Variants in EYS observed in about 807,000 individuals in gnomAD.
EYS encodes EGF-like photoreceptor maintenance factor.
EYS carries 250 observed loss-of-function variants against 282.1 expected under a neutral mutation model. The ratio of observed to expected loss-of-function variants is 0.89; its 90% CI spans 0.80 to 0.98. EYS has a LOEUF of 0.98. Among genes scored for constraint, EYS ranks in the 50% least tolerant of loss-of-function variants. The pLI is 0.00. For missense variants in EYS, 4,016 were observed against 3,709.0 expected, an observed-to-expected ratio of 1.08 and a Z score of -2.15; for synonymous variants, 1,355 against 1,282.9, an observed-to-expected ratio of 1.06 and a Z score of -1.20.
At chr6:65,090,930 TA>T (rs955299066) in intron 12 of EYS, among the ~76,000 whole-genome samples, 38 of 152,084 alleles carry the variant, frequency 2.5e-4, no homozygotes, top group African/African-American at 8.9e-4. Flanking sequence ...TAGAACACAG[TA>T]AATATTCAAT....
intron 36 of EYS, among the ~76,000 whole-genome samples, chr6:63,834,482 G>A (rs914814253): frequency 1.3e-5 from 2 of 152,050 alleles, no homozygotes; most frequent in Admixed American, 6.6e-5. Context: ...TCAGAGAAAT[G>A]CAAATCAAAA....
intron 35 of EYS, among the ~76,000 whole-genome samples, chr6:63,886,206 G>A (rs1773257086): frequency 6.6e-6 from 1 of 152,116 alleles, no homozygotes; most frequent in African/African-American, 2.4e-5. Flanking sequence ...GGCCATACAA[G>A]GATCATCTTA....
At chr6:65,402,363 T>C (rs1044373971) in intron 7 of EYS, 115 bp downstream of exon 7, 3 of 713,634 alleles carry the variant, frequency 4.2e-6, no homozygotes, top group African/African-American at 3.6e-5. Flanking sequence ...AAATAGAATA[T>C]TATATACCAT....
At chr6:65,237,192 G>C (rs1278846337) in intron 12 of EYS, among the ~76,000 whole-genome samples, 2 of 152,238 alleles carry the variant, frequency 1.3e-5, no homozygotes, top group South Asian at 2.1e-4. Context: ...AAATAAATTT[G>C]TATAAAAATT....
At chr6:64,401,118 G>C (rs572464903) in intron 28 of EYS, among the ~76,000 whole-genome samples, 2 of 151,976 alleles carry the variant, frequency 1.3e-5, no homozygotes, top group Non-Finnish European at 2.9e-5. Flanking sequence ...TGTTAGCAAA[G>C]ACTAAGGAGA....
chr6:63,820,836 T>C (rs1306801187), intron 36 of EYS, among the ~76,000 whole-genome samples: 1 of 152,198 alleles, frequency 6.6e-6, no homozygotes, highest in African/African-American at 2.4e-5. Flanking sequence ...ATAACGATGA[T>C]AGTAGTTTAA....
chr6:65,366,916 A>G (rs1407408934), intron 8 of EYS, among the ~76,000 whole-genome samples: 2 of 151,370 alleles, frequency 1.3e-5, no homozygotes, highest in Non-Finnish European at 2.9e-5. Flanking sequence ...TTATCATATC[A>G]CCTTCTCTGT....
At chr6:64,678,802 T>C (rs1769792203) in intron 22 of EYS, among the ~76,000 whole-genome samples, 1 of 151,990 alleles carries the variant, frequency 6.6e-6, no homozygotes, top group South Asian at 2.1e-4. Flanking sequence ...CTGGCCAACA[T>C]GGTGAAACCC....
chr6:63,998,790 T>TC, intron 34 of EYS, among the ~76,000 whole-genome samples: 1 of 128,102 alleles, frequency 7.8e-6, no homozygotes, highest in South Asian at 2.5e-4. Context: ...TCTGGAGCTG[T>TC]CTTTTTTTTT....
intron 15 of EYS, among the ~76,000 whole-genome samples, chr6:64,924,215 GCTGCCAAGGCTTAGGGCTT>G (rs1253188299): frequency 6.6e-6 from 1 of 152,200 alleles, no homozygotes; most frequent in Non-Finnish European, 1.5e-5. Context: ...CCATGTGGAA[GCTGCCAAGGCTTAGGGCTT>G]CCACCCTCTG....
At chr6:64,454,501 A>C (rs1359052466) in intron 26 of EYS, among the ~76,000 whole-genome samples, 3 of 152,200 alleles carry the variant, frequency 2.0e-5, no homozygotes, top group African/African-American at 7.2e-5. Flanking sequence ...ACCCTTGAAC[A>C]ACATGAGTTT....
At chr6:64,011,629 T>A (rs954898109) in intron 33 of EYS, among the ~76,000 whole-genome samples, 1 of 152,182 alleles carries the variant, frequency 6.6e-6, no homozygotes, top group African/African-American at 2.4e-5. Context: ...CGTATGGATT[T>A]TTTTTTCTTT....
In EYS at chr6:63,936,936, G is replaced by A. The variant is rs191857234; in HGVS notation, c.7055+47447C>T. Among the ~76,000 whole-genome samples, 10 of 152,306 alleles carry A rather than the reference G, an allele frequency of 6.6e-5. No homozygotes were observed. The East Asian group carries it at 1.5e-3, about 23-fold the overall frequency. On this transcript the variant is annotated intron_variant, in intron 35 of 42. Transcript: ENST00000503581. The stretch of plus-strand genomic sequence containing the variant: ...AGGATATGTTAAATGAAGGCTAGCC[G>A]TGGTGTGATAAGGGACAACTGAAGT...
chr6:64,921,248 A>C (rs115785892), intron 15 of EYS, among the ~76,000 whole-genome samples: 56 of 152,286 alleles, frequency 3.7e-4, no homozygotes, highest in African/African-American at 1.3e-3. Context: ...AAATATGCAA[A>C]AATAAACCTA....
chr6:63,777,729 A>G (rs1770100428), intron 40 of EYS: 1 of 312,836 alleles, frequency 3.2e-6, no homozygotes, highest in Non-Finnish European at 6.0e-6. Flanking sequence ...TACTCTCTCA[A>G]TAGTATGGAT....
At chr6:65,513,698 T>C (rs1237812707) in intron 2 of EYS, among the ~76,000 whole-genome samples, 1 of 152,084 alleles carries the variant, frequency 6.6e-6, no homozygotes, top group Non-Finnish European at 1.5e-5. Flanking sequence ...ACCACATGAT[T>C]ATCTCAATAG....
At chr6:65,108,756 TATG>T (rs1431219062) in intron 12 of EYS, among the ~76,000 whole-genome samples, 2 of 152,180 alleles carry the variant, frequency 1.3e-5, no homozygotes, top group African/African-American at 4.8e-5. Flanking sequence ...AAGTCCAGTT[TATG>T]ATATGTTCAT....
intron 37 of EYS, among the ~76,000 whole-genome samples, chr6:63,793,018 A>T (rs1222751990): frequency 6.6e-6 from 1 of 152,184 alleles, no homozygotes; most frequent in African/African-American, 2.4e-5. Flanking sequence ...GTTCAGTGAT[A>T]ACGCAAAATG....
At chr6:65,193,524 A>T (rs561233077) in intron 12 of EYS, among the ~76,000 whole-genome samples, 2 of 151,782 alleles carry the variant, frequency 1.3e-5, no homozygotes, top group East Asian at 1.9e-4. Context: ...TTTTTTTTCT[A>T]CTGGAAGTTT....
Sources: allele counts gnomAD v4.1 joint callset (sites outside exome capture counted in the v4.1 genomes callset), GRCh38; gene constraint gnomAD v4.1.1; transcripts MANE v1.5; gene names NCBI Gene and HGNC (gene_info 2026-07-23, HGNC 2026-07-21).